The following USP43 variants were observed in gnomAD, a reference collection of about 807,000 sequenced individuals.
USP43 encodes the protein ubiquitin specific peptidase 43.
Under a neutral mutation model 90.7 loss-of-function variants are expected in USP43, and 33 were observed. The observed-to-expected ratio is 0.36, with a 90% confidence interval of 0.28 to 0.49. USP43 has a LOEUF of 0.49. Among genes scored for constraint, USP43 ranks in the 20% least tolerant of loss-of-function variants. The probability of loss-of-function intolerance (pLI) is 0.98; values close to 1 mark genes in which losing one functional copy is unlikely to be tolerated. For synonymous variants in USP43, 598 were observed against 615.8 expected, an observed-to-expected ratio of 0.97 and a Z score of 0.43; for missense variants, 1,274 against 1,476.4, an observed-to-expected ratio of 0.86 and a Z score of 2.25.
At chr17:9,708,888 A>G (rs1916033166) in intron 12 of USP43, among the ~76,000 whole-genome samples, 1 of 152,088 alleles carries the variant, frequency 6.6e-6, no homozygotes, top group Non-Finnish European at 1.5e-5. Flanking sequence ...CGGCCTCCCA[A>G]AGTGCTGGGA....
chr17:9,647,564 G>T (rs1166909248), intron 1 of USP43: 9 of 152,102 alleles, frequency 5.9e-5, no homozygotes, highest in African/African-American at 2.2e-4. Context: ...AGCCCCACAG[G>T]AAATGTTCAT....
intron 2 of USP43, among the ~76,000 whole-genome samples, chr17:9,665,193 C>A (rs965526614): frequency 6.6e-6 from 1 of 152,106 alleles, no homozygotes; most frequent in Non-Finnish European, 1.5e-5. Flanking sequence ...CATTAGGGCA[C>A]ACAGAAGCCC....
At chr17:9,712,430 A>AG (rs1916261366) in intron 14 of USP43, among the ~76,000 whole-genome samples, 1 of 152,142 alleles carries the variant, frequency 6.6e-6, no homozygotes. Flanking sequence ...AGAATCAGGG[A>AG]AGAGGGTATT....
chr17:9,686,869 G>C lies in USP43; in HGVS notation c.1313G>C (p.Ser438Thr), dbSNP rs1272750500. 1 of 1,613,828 alleles carries C rather than the reference G, an allele frequency of 6.2e-7. No homozygotes were observed. The highest frequency in any genetic ancestry group is 8.5e-7 in the Non-Finnish European group (1 of 1,179,872). ...GCCCAGCTCCAGCAGTCTATCCTCAGCAAGGTCCGCCATCTTATGAAGAGT... is the reference window on the plus strand; with the variant it reads ...GCCCAGCTCCAGCAGTCTATCCTCACCAAGGTCCGCCATCTTATGAAGAGT... ...SWAQLQQSILSKVRHLMKSEA... is the reference protein window; with the variant it reads ...SWAQLQQSILTKVRHLMKSEA... Residue 438 changes from serine (S) to threonine (T), a missense_variant, in exon 8 of 15, where the codon AGC becomes ACC. Physicochemically the swap from Ser to Thr is moderately conservative, Grantham distance 58. Transcript: ENST00000285199. The surrounding 1 kb of genome is among the most constrained non-coding windows in gnomAD (Gnocchi z 5.5).
intron 12 of USP43, among the ~76,000 whole-genome samples, chr17:9,707,646 C>CAAAA (rs34253588): frequency 5.6e-4 from 49 of 87,096 alleles, no homozygotes; most frequent in African/African-American, 1.7e-3. Flanking sequence ...GACTCTGTCT[C>CAAAA]AAAAAAAAAA....
intron 13 of USP43, among the ~76,000 whole-genome samples, 195 bp from the exon 14 acceptor site, chr17:9,711,773 T>A (rs1916208746): frequency 6.6e-6 from 1 of 152,220 alleles, no homozygotes; most frequent in African/African-American, 2.4e-5. Flanking sequence ...CCTAAACTTT[T>A]AAGCTTAGTC....
chr17:9,682,032 C>T (rs1468279429), intron 6 of USP43, among the ~76,000 whole-genome samples: 1 of 152,112 alleles, frequency 6.6e-6, no homozygotes, highest in Non-Finnish European at 1.5e-5. Context: ...TCATGGTGGA[C>T]ACATCTTTTC....
chr17:9,728,234 T>C lies in USP43; in HGVS notation c.2616T>C (p.Leu872=), dbSNP rs1917379001. The C allele has an allele frequency of 2.5e-6, 4 of 1,613,710 alleles. No individual in the cohort carries two copies. Among genetic ancestry groups the C allele is most frequent in the Admixed American group, 3.3e-5 (2 of 59,970 alleles). The stretch of plus-strand genomic sequence containing the variant: ...CATCGCCGAGGTCCAACGTCGCCCT[T>C]CCTGCTAACAGCGAAGATGGTGGGC... The part of the protein sequence containing the change: ...KSASPRSNVA[L]PANSEDGGRA... Residue 872 remains leucine (L), a synonymous_variant, in exon 15 of 15, where the codon CTT becomes CTC. Transcript: ENST00000285199. The surrounding 1 kb of genome is among the most constrained non-coding windows in gnomAD (Gnocchi z 6.2).
At chr17:9,727,325 A>G (rs1189593806) in intron 14 of USP43, among the ~76,000 whole-genome samples, 1 of 152,152 alleles carries the variant, frequency 6.6e-6, no homozygotes, top group African/African-American at 2.4e-5. Flanking sequence ...AAGAAAAAAA[A>G]TCCATCACAA....
Position 9,701,712 on chromosome 17 carries a change from C to A in USP43, c.2011+12C>A. 6.6e-7 allele frequency: 1 copy of A among 1,511,246 alleles called. No individual in the cohort carries two copies. 93.6% of individuals were successfully genotyped at this position (1,511,246 alleles called of 1,614,324 possible). On this transcript the variant is annotated intron_variant, in intron 12 of 14. Transcript: ENST00000285199. The surrounding 1 kb of genome is among the most constrained non-coding windows in gnomAD (Gnocchi z 7.2). Reference sequence around the variant, plus strand: ...TGGGCATTACACAGGTGAGCCTTGCCTTGCCTTTCTGCAAATGCAGCTGTG... The same window carrying A: ...TGGGCATTACACAGGTGAGCCTTGCATTGCCTTTCTGCAAATGCAGCTGTG...
intron 14 of USP43, among the ~76,000 whole-genome samples, chr17:9,713,213 A>G (rs1916309462): frequency 6.6e-6 from 1 of 151,860 alleles, no homozygotes; most frequent in Non-Finnish European, 1.5e-5. Flanking sequence ...CTCAGCCTCT[A>G]GAGTAGCTGG....
At chr17:9,670,123 C>T (rs1371641057) in intron 3 of USP43, among the ~76,000 whole-genome samples, 1 of 151,056 alleles carries the variant, frequency 6.6e-6, no homozygotes, top group African/African-American at 2.4e-5. Context: ...ACTGCAACCT[C>T]TGCTTCCCAG....
At chr17:9,676,722 G>T (rs1271332091) in intron 4 of USP43, 24 bp from the exon 5 acceptor site, 4 of 1,609,186 alleles carry the variant, frequency 2.5e-6, no homozygotes, top group Non-Finnish European at 3.4e-6. Flanking sequence ...TCCTTTAAGG[G>T]TGTTGCCCCT....
rs1446587720 is a variant in USP43, at chr17:9,709,843, G to T, written c.2012-113G>T. ...ATTCATTTCTGGCCAAAAATGGACT[G>T]TTTTTTTCTCATTCTGGTTTAAACA... is the stretch of plus-strand genomic sequence containing the variant. On this transcript the variant is annotated intron_variant, in intron 12 of 14. Coordinates refer to ENST00000285199, the MANE Select transcript of USP43 (RefSeq NM_153210.5). The surrounding 1 kb of genome is among the most constrained non-coding windows in gnomAD (Gnocchi z 5.0). 8.4e-7 allele frequency: 1 copy of T among 1,184,866 alleles called. No homozygotes were observed. 73.4% of individuals were successfully genotyped at this position (1,184,866 alleles called of 1,614,324 possible).
At chr17:9,693,254 G>A (rs1597860064) in intron 9 of USP43, 24 bp downstream of exon 9, 2 of 1,567,028 alleles carry the variant, frequency 1.3e-6, no homozygotes, top group Non-Finnish European at 1.7e-6. Flanking sequence ...TCCAGGTTCA[G>A]TCAGCTAATG....
At chr17:9,715,713 GTGTGTGTA>G (rs1255182681) in intron 14 of USP43, among the ~76,000 whole-genome samples, 1 of 135,922 alleles carries the variant, frequency 7.4e-6, no homozygotes, top group Non-Finnish European at 1.6e-5. Context: ...GTGTGTCTCT[GTGTGTGTA>G]TGTGTGTGTG....
At chr17:9,662,561 C>T (rs1047915671) in intron 2 of USP43, among the ~76,000 whole-genome samples, 3 of 152,124 alleles carry the variant, frequency 2.0e-5, no homozygotes, top group African/African-American at 7.2e-5. Context: ...ATCCATCCCT[C>T]CTTTTCATCT....
rs1480305330 is a variant in USP43 at position 9,681,172 on chromosome 17, AC to A, written c.1105+807del. ...ATATAATATATACTATATAATATATACTATATAATATACTATATAATATATA... is the reference window on the plus strand; with the variant it reads ...ATATAATATATACTATATAATATATATATATAATATACTATATAATATATA... On this transcript the variant is annotated intron_variant, in intron 6 of 14. Transcript: ENST00000285199. Among the ~76,000 whole-genome samples, 13 of 82,626 alleles carry A rather than the reference AC, an allele frequency of 1.6e-4. 2 individuals carry two copies. Among genetic ancestry groups the A allele is most frequent in the African/African-American group, 7.8e-4 (13 of 16,608 alleles). The allele number at this position is 82,626 out of a possible 152,430, so 54.2% of individuals were successfully genotyped here.
rs1597834721 is a variant in USP43 at position 9,673,676 on chromosome 17, G to A, written c.741-1215G>A. Among the ~76,000 whole-genome samples, 3 of 152,168 alleles carry A rather than the reference G, an allele frequency of 2.0e-5. No individual in the cohort carries two copies. The South Asian group carries it at 6.2e-4, about 31-fold the overall frequency. ...ACGAAAGAACGCAGGAATGATATGA[G>A]CACGGAGTCTGGAAACTGAGCCTAG... On this transcript the variant is annotated intron_variant, in intron 3 of 14. Transcript: ENST00000285199.
Sources: allele counts gnomAD v4.1 joint callset (sites outside exome capture counted in the v4.1 genomes callset), GRCh38; gene constraint gnomAD v4.1.1; non-coding constraint Gnocchi (gnomAD v3.1); transcripts MANE v1.5; gene names NCBI Gene and HGNC (gene_info 2026-07-23, HGNC 2026-07-21).